Variants in GRM5 observed in about 807,000 individuals in gnomAD.
The protein encoded by GRM5 is metabotropic glutamate receptor 5.
In GRM5, 19 loss-of-function variants were observed where a neutral mutation model predicts 83.1. That is an observed-to-expected ratio of 0.23 (90% confidence interval 0.16 to 0.34). The LOEUF (loss-of-function observed/expected upper bound fraction) is 0.34, where lower values mean the gene tolerates loss of function less well. Among genes scored for constraint, GRM5 ranks in the 10% least tolerant of loss-of-function variants. The pLI is 1.00. For synonymous variants in GRM5, 675 were observed against 633.6 expected, an observed-to-expected ratio of 1.07 and a Z score of -0.98; for missense variants, 1,160 against 1,588.3, an observed-to-expected ratio of 0.73 and a Z score of 4.58.
intron 3 of GRM5, among the ~76,000 whole-genome samples, chr11:88,839,083 C>T (rs1201253645): frequency 1.3e-5 from 2 of 152,084 alleles, no homozygotes; most frequent in Admixed American, 6.5e-5. Flanking sequence ...TAAATGCCAC[C>T]CCTTCCCACA....
rs546512239 is a variant in GRM5 at position 88,626,811 on chromosome 11, G to T, written c.1148-21847C>A. 1.3e-3 allele frequency among the ~76,000 whole-genome samples: 197 copies of T among 152,216 alleles called. 2 individuals carry two copies. Among genetic ancestry groups the T allele is most frequent in the African/African-American group, 4.6e-3 (193 of 41,544 alleles). Reference sequence around the variant, plus strand: ...GAAGAGATACCAGTGACTTGATAAAGAAGATACAAAAAAAATTTGATTCAT... The same window carrying T: ...GAAGAGATACCAGTGACTTGATAAATAAGATACAAAAAAAATTTGATTCAT... On this transcript the variant is annotated intron_variant, in intron 4 of 9. Coordinates refer to ENST00000305447, the MANE Select transcript of GRM5 (RefSeq NM_001143831.3).
chr11:88,898,288 A>G (rs1342317623), intron 2 of GRM5, among the ~76,000 whole-genome samples: 1 of 151,998 alleles, frequency 6.6e-6, no homozygotes, highest in Non-Finnish European at 1.5e-5. Flanking sequence ...AATAATAATT[A>G]ATAATAATGT....
At chr11:88,767,259 G>C (rs1373242051) in intron 3 of GRM5, among the ~76,000 whole-genome samples, 1 of 151,984 alleles carries the variant, frequency 6.6e-6, no homozygotes, top group Non-Finnish European at 1.5e-5. Context: ...ATTGTGAAAA[G>C]CGGTGTGTCA....
chr11:88,985,310 T>C (rs1188546777), intron 2 of GRM5, among the ~76,000 whole-genome samples: 1 of 152,130 alleles, frequency 6.6e-6, no homozygotes, highest in Non-Finnish European at 1.5e-5. Context: ...TAAAAATCCT[T>C]TGAATGATTT....
intron 2 of GRM5, among the ~76,000 whole-genome samples, chr11:88,982,505 T>C (rs1266151459): frequency 2.0e-5 from 3 of 152,266 alleles, no homozygotes; most frequent in East Asian, 1.9e-4. Flanking sequence ...AATATAGTTA[T>C]AATGTTTTGA....
At chr11:88,919,910 A>G (rs1945659423) in intron 2 of GRM5, among the ~76,000 whole-genome samples, 1 of 152,080 alleles carries the variant, frequency 6.6e-6, no homozygotes, top group Admixed American at 6.6e-5. Flanking sequence ...CAATGTTAAG[A>G]GGAAAGTTTA....
intron 3 of GRM5, among the ~76,000 whole-genome samples, chr11:88,665,284 G>T (rs1468350353): frequency 1.3e-5 from 2 of 151,168 alleles, no homozygotes; most frequent in Non-Finnish European, 2.9e-5. Flanking sequence ...CTGATAAAAT[G>T]TCTATTTCTG....
intron 3 of GRM5, among the ~76,000 whole-genome samples, chr11:88,793,944 G>A (rs910628473): frequency 6.6e-6 from 1 of 152,110 alleles, no homozygotes; most frequent in Non-Finnish European, 1.5e-5. Context: ...TCCTGTCTCA[G>A]CCTCCTGAGT....
chr11:89,039,897 C>G (rs887330002), intron 2 of GRM5, among the ~76,000 whole-genome samples: 1 of 152,294 alleles, frequency 6.6e-6, no homozygotes, highest in Admixed American at 6.5e-5. Context: ...ACCTCTTGTC[C>G]TCAAGTGATC....
At chr11:89,025,522 C>G (rs1268460329) in intron 2 of GRM5, among the ~76,000 whole-genome samples, 2 of 152,112 alleles carry the variant, frequency 1.3e-5, no homozygotes, top group African/African-American at 4.8e-5. Context: ...TCTATGCTTA[C>G]AAAATGCATC....
At chr11:88,778,591 C>T (rs1396659664) in intron 3 of GRM5, among the ~76,000 whole-genome samples, 2 of 152,078 alleles carry the variant, frequency 1.3e-5, no homozygotes, top group South Asian at 2.1e-4. Context: ...CTTGGAATGC[C>T]CACTGCTCTT....
chr11:88,856,805 T>C (rs1944487027), intron 2 of GRM5, among the ~76,000 whole-genome samples: 1 of 152,030 alleles, frequency 6.6e-6, no homozygotes, highest in Admixed American at 6.6e-5. Flanking sequence ...TTTAGATCCA[T>C]ATATAATCTT....
Position 88,506,129 on chromosome 11 carries a change from G to A in GRM5, c.*2463C>T, listed in dbSNP as rs1941177012. ...ATAAATCATTTTTATTATTACAGTTGATTATGATAGCATGTGGAAGTATCA... is the reference window on the plus strand; with the variant it reads ...ATAAATCATTTTTATTATTACAGTTAATTATGATAGCATGTGGAAGTATCA... On this transcript the variant is annotated 3_prime_UTR_variant, in exon 10 of 10. Transcript: ENST00000305447. 1 of 152,184 alleles carries A rather than the reference G, an allele frequency of 6.6e-6. No homozygotes were observed. The highest frequency in any genetic ancestry group is 1.9e-4 in the East Asian group (1 of 5,184). The allele number at this position is 152,184 out of a possible 1,614,324, so 9.4% of individuals were successfully genotyped here.
At chr11:88,762,122 G>A (rs571419181) in intron 3 of GRM5, among the ~76,000 whole-genome samples, 4 of 152,166 alleles carry the variant, frequency 2.6e-5, no homozygotes, top group East Asian at 3.9e-4. Flanking sequence ...CTGGACATAG[G>A]AATGAGCAAA....
At chr11:88,811,826 C>G (rs1943593587) in intron 3 of GRM5, among the ~76,000 whole-genome samples, 1 of 152,084 alleles carries the variant, frequency 6.6e-6, no homozygotes, top group Non-Finnish European at 1.5e-5. Context: ...CAATGCATAT[C>G]CTCTTCCAGG....
At chr11:88,772,141 C>T (rs1468200611) in intron 3 of GRM5, among the ~76,000 whole-genome samples, 1 of 151,874 alleles carries the variant, frequency 6.6e-6, no homozygotes, top group Non-Finnish European at 1.5e-5. Context: ...AAACTCTTAA[C>T]ATTTTATTTT....
chr11:88,918,192 G>GA (rs906164827), intron 2 of GRM5, among the ~76,000 whole-genome samples: 181 of 143,498 alleles, frequency 1.3e-3, no homozygotes, highest in South Asian at 3.0e-3. Context: ...AATGCTGAAG[G>GA]AAAAAAAAAA....
chr11:88,692,752 A>G (rs1940810347), intron 3 of GRM5, among the ~76,000 whole-genome samples: 1 of 152,166 alleles, frequency 6.6e-6, no homozygotes, highest in Non-Finnish European at 1.5e-5. Context: ...GCTCCCAGCT[A>G]CTCCTGAAGA....
At chr11:88,800,881 A>T (rs1943380314) in intron 3 of GRM5, among the ~76,000 whole-genome samples, 1 of 152,146 alleles carries the variant, frequency 6.6e-6, no homozygotes, top group Non-Finnish European at 1.5e-5. Context: ...ATTAATAGCA[A>T]ATTATTACGT....
Sources: allele counts gnomAD v4.1 joint callset (sites outside exome capture counted in the v4.1 genomes callset), GRCh38; gene constraint gnomAD v4.1.1; transcripts MANE v1.5; gene names NCBI Gene and HGNC (gene_info 2026-07-23, HGNC 2026-07-21).